NOS1AP: variants seen among roughly 807,000 people sequenced by gnomAD.
NOS1AP encodes the protein carboxyl-terminal PDZ ligand of neuronal nitric oxide synthase protein.
A neutral mutation model predicts 56.2 loss-of-function variants in NOS1AP; 21 were observed. That is an observed-to-expected ratio of 0.37 (90% CI 0.26 to 0.54). The LOEUF is 0.54. Ranked by LOEUF, NOS1AP falls within the 20% of genes least tolerant of loss-of-function variation. The probability of loss-of-function intolerance (pLI) is 0.84; values close to 1 mark genes in which losing one functional copy is unlikely to be tolerated. For synonymous variants in NOS1AP, 270 were observed against 274.6 expected, an observed-to-expected ratio of 0.98 and a Z score of 0.17; for missense variants, 522 against 657.8, an observed-to-expected ratio of 0.79 and a Z score of 2.26.
At chr1:162,284,244 A>T (rs1024148419) in intron 2 of NOS1AP, among the ~76,000 whole-genome samples, 4 of 152,262 alleles carry the variant, frequency 2.6e-5, no homozygotes, top group Admixed American at 1.3e-4. Flanking sequence ...TGGCTTAATG[A>T]TAATAAATAT....
chr1:162,170,752 C>T (rs910380679), intron 2 of NOS1AP, among the ~76,000 whole-genome samples: 1 of 151,950 alleles, frequency 6.6e-6, no homozygotes, highest in Non-Finnish European at 1.5e-5. Context: ...ATGGAGAAAC[C>T]CTGTCTCGAC....
intron 2 of NOS1AP, among the ~76,000 whole-genome samples, chr1:162,201,499 T>G (rs1035130820): frequency 1.3e-5 from 2 of 152,238 alleles, no homozygotes; most frequent in Non-Finnish European, 2.9e-5. Flanking sequence ...ATGATATTTC[T>G]GTCTTTAGGT....
At chr1:162,355,994 A>G (rs1444976485) in intron 7 of NOS1AP, among the ~76,000 whole-genome samples, 1 of 152,226 alleles carries the variant, frequency 6.6e-6, no homozygotes, top group Non-Finnish European at 1.5e-5. Flanking sequence ...ACCCAGAAGC[A>G]AAATTACTGA....
intron 2 of NOS1AP, among the ~76,000 whole-genome samples, chr1:162,178,174 C>T (rs6660161): frequency 0.52 from 79,387 of 151,962 alleles, 22,704 homozygotes; most frequent in East Asian, 0.76. Context: ...TATTATGGCT[C>T]GATAGCTCAT....
chr1:162,232,697 T>G (rs935426784), intron 2 of NOS1AP, among the ~76,000 whole-genome samples: 3 of 152,172 alleles, frequency 2.0e-5, no homozygotes, highest in African/African-American at 4.8e-5. Flanking sequence ...AGGGTGAAAG[T>G]ACATGAGACC....
intron 1 of NOS1AP, among the ~76,000 whole-genome samples, chr1:162,087,553 T>C (rs1032031294): frequency 6.6e-6 from 1 of 152,218 alleles, no homozygotes; most frequent in African/African-American, 2.4e-5. Context: ...TTCATCTCTT[T>C]GTACTTCAGT....
chr1:162,195,363 A>G (rs1651772290), intron 2 of NOS1AP, among the ~76,000 whole-genome samples: 1 of 151,932 alleles, frequency 6.6e-6, no homozygotes, highest in Admixed American at 6.6e-5. Flanking sequence ...TCACCATTGT[A>G]CTTGCTTTCT....
intron 4 of NOS1AP, among the ~76,000 whole-genome samples, chr1:162,328,968 G>T (rs1398885943): frequency 6.6e-6 from 1 of 152,154 alleles, no homozygotes; most frequent in Non-Finnish European, 1.5e-5. Flanking sequence ...CTTAAGAGAA[G>T]CGAGTTTACC....
intron 2 of NOS1AP, among the ~76,000 whole-genome samples, chr1:162,179,313 T>G (rs1651172209): frequency 6.6e-6 from 1 of 152,246 alleles, no homozygotes; most frequent in Admixed American, 6.5e-5. Context: ...CACAGGGAAG[T>G]TGAGTAACCT....
chr1:162,128,584 A>G (rs573692277), intron 1 of NOS1AP, among the ~76,000 whole-genome samples: 2 of 152,316 alleles, frequency 1.3e-5, no homozygotes, highest in South Asian at 2.1e-4. Flanking sequence ...AAACTCCTCA[A>G]AAAAATTTGT....
At chr1:162,078,184 C>T (rs1691811635) in intron 1 of NOS1AP, among the ~76,000 whole-genome samples, 1 of 152,222 alleles carries the variant, frequency 6.6e-6, no homozygotes, top group Non-Finnish European at 1.5e-5. Context: ...GTTATGCAGG[C>T]TGCTGGCTCT....
chr1:162,138,525 T>C (rs1250029344), intron 1 of NOS1AP, among the ~76,000 whole-genome samples: 5 of 152,206 alleles, frequency 3.3e-5, no homozygotes. Flanking sequence ...CCTGGATAGA[T>C]AGTGGAGGGA....
rs138698394 is a variant in NOS1AP, at chr1:162,147,935, G to C, written c.106-6470G>C. Among the ~76,000 whole-genome samples the C allele has an allele frequency of 3.2e-4, 48 of 152,260 alleles. No individual in the cohort carries two copies. In the East Asian group the frequency reaches 7.3e-3, roughly 23 times the overall value. On this transcript the variant is annotated intron_variant, in intron 1 of 9. Transcript: ENST00000361897. ...TCTCACAGCAGGGATTCCTGGAAGG[G>C]GGGGATGCAGGAATGCTACAGAAGT... is the stretch of plus-strand genomic sequence containing the variant.
chr1:162,336,402 T>G (rs1419356775), intron 5 of NOS1AP, among the ~76,000 whole-genome samples: 2 of 152,212 alleles, frequency 1.3e-5, no homozygotes, highest in African/African-American at 4.8e-5. Flanking sequence ...TGTTGTTGGC[T>G]CATGAGGAAG....
At chr1:162,353,801 C>A (rs138572348) in intron 6 of NOS1AP, among the ~76,000 whole-genome samples, 1 of 152,182 alleles carries the variant, frequency 6.6e-6, no homozygotes, top group South Asian at 2.1e-4. Context: ...ACCCACCTAC[C>A]GACCCTCCAT....
At chr1:162,353,586 C>T (rs1657595693) in intron 6 of NOS1AP, among the ~76,000 whole-genome samples, 1 of 152,096 alleles carries the variant, frequency 6.6e-6, no homozygotes, top group Admixed American at 6.5e-5. Context: ...TTTCTCTGTG[C>T]CAGAGAAACA....
At chr1:162,172,021 C>T (rs570435599) in intron 2 of NOS1AP, among the ~76,000 whole-genome samples, 2 of 152,320 alleles carry the variant, frequency 1.3e-5, no homozygotes, top group Middle Eastern at 6.8e-3. Context: ...CAGTGAGATG[C>T]TTGATGGTAT....
intron 2 of NOS1AP, among the ~76,000 whole-genome samples, chr1:162,170,691 C>T (rs1650725789): frequency 6.6e-6 from 1 of 152,138 alleles, no homozygotes; most frequent in Non-Finnish European, 1.5e-5. Context: ...CCTTGGGAGG[C>T]TGAGGCATGT....
In NOS1AP at chr1:162,077,046, T is replaced by C. The variant is rs550663309; in HGVS notation, c.105+6764T>C. The stretch of plus-strand genomic sequence containing the variant: ...CCTCTTAAAAATAATGCTATAAACA[T>C]TCATGTACAAGTTTTTGTGCAGGCA... On this transcript the variant is annotated intron_variant, in intron 1 of 9. Transcript: ENST00000361897. Among the ~76,000 whole-genome samples, 26 of 152,364 alleles carry C rather than the reference T, an allele frequency of 1.7e-4. No homozygotes were observed. In the South Asian group the frequency reaches 5.4e-3, roughly 32 times the overall value.
Sources: gnomAD v4.1 joint callset for allele counts (sites outside exome capture counted in the v4.1 genomes callset) on GRCh38, gnomAD v4.1.1 for gene constraint, MANE v1.5 for transcripts, NCBI Gene and HGNC (gene_info 2026-07-23, HGNC 2026-07-21) for gene names.